Variants in BUD13 observed in about 807,000 individuals in gnomAD.
BUD13 encodes BUD13 spliceosome associated protein, also known as BUD13 homolog.
BUD13 carries 47 observed loss-of-function variants against 62.5 expected under a neutral mutation model. The ratio of observed to expected loss-of-function variants is 0.75; its 90% confidence interval spans 0.60 to 0.96. The LOEUF (loss-of-function observed/expected upper bound fraction) is 0.96, where lower values mean the gene tolerates loss of function less well. Ranked by LOEUF, BUD13 falls within the 40% of genes least tolerant of loss-of-function variation. The pLI is 0.00. For missense variants in BUD13, 821 were observed against 790.9 expected (o/e 1.04, Z -0.46); for synonymous variants, 293 against 280.1 (o/e 1.05, Z -0.46).
intron 2 of BUD13, among the ~76,000 whole-genome samples, chr11:116,766,084 T>C (rs1287229817): frequency 6.6e-6 from 1 of 152,238 alleles, no homozygotes; most frequent in Non-Finnish European, 1.5e-5. Flanking sequence ...CCACTGCATT[T>C]TTCAAAAATG....
intron 9 of BUD13, among the ~76,000 whole-genome samples, chr11:116,751,004 TC>T (rs2134170309): frequency 6.6e-6 from 1 of 152,360 alleles, no homozygotes; most frequent in East Asian, 1.9e-4. Flanking sequence ...TTCCTTCTTA[TC>T]TTGGCTGGTT....
At chr11:116,772,119 C>T (rs73588419) in intron 1 of BUD13, among the ~76,000 whole-genome samples, 3,836 of 152,194 alleles carry the variant, frequency 0.025, 171 homozygotes, top group African/African-American at 0.087. Context: ...GATTTGGCAC[C>T]CACCTTAATC....
chr11:116,770,006 A>C, intron 2 of BUD13, 123 bp downstream of exon 2: 2 of 679,118 alleles, frequency 2.9e-6, no homozygotes, highest in South Asian at 4.2e-5. Flanking sequence ...GCAGTGAGCC[A>C]AGATCATGCC....
rs1940461682 is a variant in BUD13, at chr11:116,762,998, AGAATCATGACGGGCCCTCCTTGGGGGT to A, written c.564_590del (p.Pro190_Pro198del). On this transcript the variant is annotated inframe_deletion, in exon 4 of 10. Transcript: ENST00000260210. ...GCCTCCTTGGGGGAGAAGGATCTGG[AGAATCATGACGGGCCCTCCTTGGGGGT>A]GAAGTGTCTGAGGAGTCATGACGGA... 1 of 1,612,994 alleles carries A rather than the reference AGAATCATGACGGGCCCTCCTTGGGGGT, an allele frequency of 6.2e-7. No homozygotes were observed. Among genetic ancestry groups the A allele is most frequent in the Non-Finnish European group, 8.5e-7 (1 of 1,179,686 alleles).
chr11:116,762,541 T>C lies in BUD13; in HGVS notation c.1036+12A>G. The C allele has an allele frequency of 1.1e-5, 17 of 1,588,080 alleles. No individual in the cohort carries two copies. Among genetic ancestry groups the C allele is most frequent in the Non-Finnish European group, 1.5e-5 (17 of 1,164,224 alleles). On this transcript the variant is annotated intron_variant, in intron 4 of 9. Transcript: ENST00000260210. ...ATACATACATCCCTCTCATGGACAG[T>C]CATATGCTCACCTTTGGAATCAAGC...
chr11:116,764,038 A>G (rs577091221), intron 3 of BUD13, among the ~76,000 whole-genome samples: 2 of 152,366 alleles, frequency 1.3e-5, no homozygotes, highest in East Asian at 1.9e-4. Flanking sequence ...CATATTGCTA[A>G]TAAGTGGTAG....
At position 116,760,813 on chromosome 11, in the gene BUD13, T is replaced by C. The variant is rs374131301; in HGVS notation, c.1176A>G (p.Pro392=). ...ATTTGGTCCTCTGTCTCCTCCTTGG[T>C]GGAGAGAGGTCAGAATCAGAGCTCC... The part of the protein sequence containing the change: ...RHRSSDSDLS[P]PRRRQRTKSS... Residue 392 remains proline (P), a synonymous_variant, in exon 5 of 10, where the codon CCA becomes CCG. Coordinates refer to ENST00000260210, the MANE Select transcript of BUD13 (RefSeq NM_032725.4). 25 of 1,613,930 alleles carry C rather than the reference T, an allele frequency of 1.5e-5. No homozygotes were observed. The African/African-American group carries it at 3.2e-4, about 21-fold the overall frequency.
At chr11:116,759,812 A>C (rs1370800617) in intron 5 of BUD13, among the ~76,000 whole-genome samples, 2 of 152,192 alleles carry the variant, frequency 1.3e-5, no homozygotes, top group East Asian at 3.8e-4. Flanking sequence ...AAAAAAGAAG[A>C]ATCTCACTTC....
chr11:116,761,000 A>G (rs753952132), intron 4 of BUD13, 48 bp from the exon 5 acceptor site: 5 of 1,470,330 alleles, frequency 3.4e-6, no homozygotes, highest in Non-Finnish European at 4.7e-6. Context: ...CTCTAGGTGA[A>G]GAACTTACAT....
At chr11:116,757,054 A>C in intron 9 of BUD13, 92 bp downstream of exon 9, 1 of 1,233,542 alleles carries the variant, frequency 8.1e-7, no homozygotes, top group Non-Finnish European at 1.2e-6. Flanking sequence ...CCTTGTGATT[A>C]AAGCAGAGAA....
At position 116,760,515 on chromosome 11, in the gene BUD13, G is replaced by A. The variant is rs79720382; in HGVS notation, c.1254+220C>T. Among the ~76,000 whole-genome samples the A allele has an allele frequency of 4.7e-3, 711 of 152,306 alleles. 3 individuals are homozygous for A. The highest frequency in any genetic ancestry group is 0.016 in the African/African-American group (662 of 41,560). On this transcript the variant is annotated intron_variant, in intron 5 of 9. Transcript: ENST00000260210. ...ATTGTAGAATTAAGAGGCTATAAAC[G>A]CAGAAGCTACTTGGGAAATCTGGTA...
In BUD13 at chr11:116,772,949, G is replaced by C. The variant is rs1433384201; in HGVS notation, c.16C>G (p.Pro6Ala). The C allele has an allele frequency of 6.4e-7, 1 of 1,568,670 alleles. No individual in the cohort carries two copies. Among genetic ancestry groups the C allele is most frequent in the African/African-American group, 1.4e-5 (1 of 72,122 alleles). Residue 6 changes from proline to alanine, a missense_variant, in exon 1 of 10, where the codon CCG (proline) becomes GCG (alanine). Coordinates refer to ENST00000260210, the MANE Select transcript of BUD13 (RefSeq NM_032725.4). MAAAP[P>A]LSKAEYLKRY... ...TTCAGATACTCGGCCTTGGAAAGCG[G>C]CGGAGCTGCCGCCATGGCAGCGGCG... is the stretch of plus-strand genomic sequence containing the variant.
At chr11:116,749,367 C>T (rs887217093) in intron 9 of BUD13, among the ~76,000 whole-genome samples, 2 of 152,076 alleles carry the variant, frequency 1.3e-5, no homozygotes, top group African/African-American at 2.4e-5. Flanking sequence ...TAGAAATACG[C>T]ATGGGGTGTC....
chr11:116,765,279 A>T, intron 3 of BUD13, 83 bp downstream of exon 3: 1 of 1,411,312 alleles, frequency 7.1e-7, no homozygotes, highest in Non-Finnish European at 9.9e-7. Flanking sequence ...CAAACTATGC[A>T]TTCCTCTAAA....
chr11:116,757,995 T>C, intron 7 of BUD13, 45 bp from the exon 8 acceptor site: 1 of 1,604,652 alleles, frequency 6.2e-7, no homozygotes, highest in South Asian at 1.1e-5. Context: ...TGTATGACAT[T>C]TCCACTTCTA....
At chr11:116,760,552 A>G in intron 5 of BUD13, 183 bp downstream of exon 5, 1 of 596,964 alleles carries the variant, frequency 1.7e-6, no homozygotes, top group Non-Finnish European at 2.9e-6. Flanking sequence ...CTGTAAGTCC[A>G]TCTGGGATGG....
intron 2 of BUD13, 59 bp downstream of exon 2, chr11:116,770,070 A>G (rs1347469750): frequency 7.1e-6 from 10 of 1,408,608 alleles, no homozygotes; most frequent in Admixed American, 6.5e-5. Context: ...AAAAAAAAAA[A>G]AAAGGAAATT....
In BUD13 at chr11:116,763,031, G is replaced by C. The variant is rs1940463131; in HGVS notation, c.558C>G (p.Asp186Glu). 6.2e-7 allele frequency: 1 copy of C among 1,612,448 alleles called. No individual in the cohort carries two copies. The highest frequency in any genetic ancestry group is 1.7e-5 in the Admixed American group (1 of 59,936). Residue 186 changes from aspartate (D) to glutamate (E), a missense_variant, in exon 4 of 10, where the codon GAC becomes GAG. By Grantham distance (45) the Asp-to-Glu change is conservative. This residue lies in a region of BUD13 where 800 missense variants were observed against 739.2 expected (regional missense o/e 1.08). Transcript: ENST00000260210. ...GACGGGCCCTCCTTGGGGGTGAAGT[G>C]TCTGAGGAGTCATGACGGATCCTCC... is the stretch of plus-strand genomic sequence containing the variant. ...PPRRIRHDSS[D>E]TSPPRRARHD...
chr11:116,760,638 C>A, intron 5 of BUD13, 97 bp downstream of exon 5: 2 of 1,340,170 alleles, frequency 1.5e-6, no homozygotes, highest in East Asian at 2.3e-5. Context: ...CTTCTCAGAG[C>A]TACATCCTTC....
Sources: gnomAD v4.1 joint callset for allele counts (sites outside exome capture counted in the v4.1 genomes callset) on GRCh38, gnomAD v4.1.1 for gene constraint, gnomAD v4.1.1 regional missense constraint, MANE v1.5 for transcripts, NCBI Gene and HGNC (gene_info 2026-07-23, HGNC 2026-07-21) for gene names.